RPA1: variants seen among roughly 807,000 people sequenced by gnomAD.
RPA1 encodes the protein replication protein A 70 kDa DNA-binding subunit.
RPA1 carries 49 observed loss-of-function variants against 83.0 expected under a neutral mutation model. The observed-to-expected ratio is 0.59, with a 90% confidence interval of 0.47 to 0.75. The LOEUF is 0.75. Among genes scored for constraint, RPA1 ranks in the 30% least tolerant of loss-of-function variants. RPA1 has a pLI of 0.00. For synonymous variants in RPA1, 279 were observed against 281.8 expected (o/e 0.99, Z 0.10); for missense variants, 693 against 776.1 (o/e 0.89, Z 1.27).
At chr17:1,856,579 G>A (rs556296543) in intron 5 of RPA1, among the ~76,000 whole-genome samples, 54 of 152,154 alleles carry the variant, frequency 3.5e-4, no homozygotes, top group South Asian at 8.3e-4. Flanking sequence ...CAGCTGGGCC[G>A]ACAGAATGAG....
intron 5 of RPA1, among the ~76,000 whole-genome samples, chr17:1,870,841 G>C (rs755591133): frequency 6.6e-6 from 1 of 152,238 alleles, no homozygotes; most frequent in Non-Finnish European, 1.5e-5. Flanking sequence ...GATGATAGAA[G>C]AGAGGGAGGA....
At chr17:1,864,431 A>C (rs951978432) in intron 5 of RPA1, among the ~76,000 whole-genome samples, 5 of 151,888 alleles carry the variant, frequency 3.3e-5, no homozygotes, top group Admixed American at 2.0e-4. Context: ...CCCAGCTACT[A>C]GGGAGGCTGA....
intron 14 of RPA1, among the ~76,000 whole-genome samples, chr17:1,891,420 C>T (rs1226454739): frequency 2.6e-5 from 4 of 151,822 alleles, no homozygotes; most frequent in African/African-American, 7.2e-5. Flanking sequence ...AAGCCAGCTG[C>T]ACCTCGACAG....
intron 15 of RPA1, among the ~76,000 whole-genome samples, chr17:1,892,307 A>G (rs941854916): frequency 7.9e-5 from 12 of 152,242 alleles, no homozygotes; most frequent in African/African-American, 2.9e-4. Context: ...ACCTTGCCCA[A>G]CACTGGCCCT....
Position 1,897,411 on chromosome 17 carries a change from A to G in RPA1, c.*236A>G. On this transcript the variant is annotated 3_prime_UTR_variant, in exon 17 of 17. Transcript: ENST00000254719. ...TACGGAGTCAGCCAGTGGCTAGCGC[A>G]AGACCAGTCACTCCCTCTGCCTTCA... 1 of 443,176 alleles carries G rather than the reference A, an allele frequency of 2.3e-6. No homozygotes were observed. The highest frequency in any genetic ancestry group is 4.0e-6 in the Non-Finnish European group (1 of 249,760). The allele number at this position is 443,176 out of a possible 1,614,324, so 27.5% of individuals were successfully genotyped here. A position where few individuals can be genotyped will look rare whatever the true frequency, so the allele number is the denominator to read the frequency against.
chr17:1,839,028 T>C (rs1295335642), intron 1 of RPA1, among the ~76,000 whole-genome samples: 1 of 151,960 alleles, frequency 6.6e-6, no homozygotes. Context: ...TTTTTTTTTG[T>C]ATTTTTAGTA....
intron 5 of RPA1, among the ~76,000 whole-genome samples, chr17:1,870,900 T>C (rs1029502870): frequency 1.3e-5 from 2 of 152,216 alleles, no homozygotes; most frequent in East Asian, 3.8e-4. Context: ...GGTACTCTTC[T>C]GTTTTTGAAT....
chr17:1,895,063 T>C lies in RPA1; in HGVS notation c.1714T>C (p.Phe572Leu). ...GAATGCCAACTTCCGATCTTTCATA[T>C]TCAGAGTCAGGGTCAAAGTGGAGAC... ...FQNANFRSFIFRVRVKVETYN... is the reference protein window; with the variant it reads ...FQNANFRSFILRVRVKVETYN... Residue 572 changes from phenylalanine to leucine, a missense_variant, in exon 16 of 17, where the codon TTC becomes CTC. Phe to Leu is a conservative substitution (Grantham distance 22). Transcript: ENST00000254719. 6.2e-7 allele frequency: 1 copy of C among 1,613,712 alleles called. No individual in the cohort carries two copies. The highest frequency in any genetic ancestry group is 1.3e-5 in the African/African-American group (1 of 75,036).
intron 10 of RPA1, 64 bp from the exon 11 acceptor site, chr17:1,879,496 A>G: frequency 2.5e-6 from 4 of 1,612,676 alleles, no homozygotes; most frequent in South Asian, 2.2e-5. Context: ...CTTGCCGTTC[A>G]TCATTTGCTG....
In RPA1 at chr17:1,884,958, G is replaced by A. The variant is rs1465042904; in HGVS notation, c.1374+1014G>A. Among the ~76,000 whole-genome samples, 3 of 152,178 alleles carry A rather than the reference G, an allele frequency of 2.0e-5. No homozygotes were observed. Among genetic ancestry groups the A allele is most frequent in the Non-Finnish European group, 2.9e-5 (2 of 68,034 alleles). ...GTCACGGCGATGGTTGCTGAACATC[G>A]GCGTGTCTTTGGCAGTTTCTTAAAA... is the stretch of plus-strand genomic sequence containing the variant. On this transcript the variant is annotated intron_variant, in intron 13 of 16. Transcript: ENST00000254719. The surrounding 1 kb of genome is among the most constrained non-coding windows in gnomAD (Gnocchi z 4.1).
chr17:1,872,787 G>A (rs924950120), intron 6 of RPA1, among the ~76,000 whole-genome samples: 2 of 139,206 alleles, frequency 1.4e-5, no homozygotes, highest in African/African-American at 5.4e-5. Context: ...ATCACAGCTC[G>A]TTGCAGCCTT....
chr17:1,887,481 C>G lies in RPA1; in HGVS notation c.1375-1194C>G, dbSNP rs547837776. Among the ~76,000 whole-genome samples the G allele has an allele frequency of 4.0e-5, 6 of 151,614 alleles. No individual in the cohort carries two copies. The South Asian group carries it at 1.3e-3, about 32-fold the overall frequency. ...GGCTGAGGCAGGAGAATCGTTTGAC[C>G]CTGGGAGGCGGAGATTTCAGTGAGC... On this transcript the variant is annotated intron_variant, in intron 13 of 16. Transcript: ENST00000254719.
chr17:1,848,937 T>G (rs1193921676), intron 4 of RPA1, among the ~76,000 whole-genome samples: 1 of 152,206 alleles, frequency 6.6e-6, no homozygotes, highest in African/African-American at 2.4e-5. Flanking sequence ...CGTTAGTTGA[T>G]GGGCATTCGG....
chr17:1,880,158 T>C (rs1913733661), intron 11 of RPA1, among the ~76,000 whole-genome samples: 1 of 152,086 alleles, frequency 6.6e-6, no homozygotes, highest in Non-Finnish European at 1.5e-5. Flanking sequence ...AGGGGGCGTC[T>C]TGTCCTATAG....
intron 5 of RPA1, among the ~76,000 whole-genome samples, chr17:1,870,413 G>T (rs1913334231): frequency 6.6e-6 from 1 of 152,144 alleles, no homozygotes; most frequent in Admixed American, 6.5e-5. Flanking sequence ...AAAAAAATGT[G>T]GATCTTAGAA....
chr17:1,843,635 A>ATTATTATTT (rs1912143990), intron 2 of RPA1, among the ~76,000 whole-genome samples: 1 of 148,340 alleles, frequency 6.7e-6, no homozygotes, highest in Admixed American at 6.7e-5. Flanking sequence ...TATTATTATT[A>ATTATTATTT]TTTTGGTAAT....
intron 11 of RPA1, 28 bp downstream of exon 11, chr17:1,879,727 C>A: frequency 1.2e-6 from 2 of 1,613,622 alleles, no homozygotes; most frequent in Non-Finnish European, 1.7e-6. Context: ...GTCTTCAACA[C>A]GCACAGGACC....
rs1316568369 is a variant in RPA1, at chr17:1,838,906, A to G, written c.34-3897A>G. Among the ~76,000 whole-genome samples, 4 of 152,090 alleles carry G rather than the reference A, an allele frequency of 2.6e-5. No individual in the cohort carries two copies. The East Asian group carries it at 7.7e-4, about 29-fold the overall frequency. On this transcript the variant is annotated intron_variant, in intron 1 of 16. Transcript: ENST00000254719. Reference sequence around the variant, plus strand: ...CGCTCTGTCACCCAGGCTGGAGTGCAGTGGCACGATCTCGGCTCACTGCAA... The same window carrying G: ...CGCTCTGTCACCCAGGCTGGAGTGCGGTGGCACGATCTCGGCTCACTGCAA...
In RPA1 at chr17:1,897,367, G is replaced by T. The variant is rs1429087010; in HGVS notation, c.*192G>T. Reference sequence around the variant, plus strand: ...AGGAAAATACGCTCAGGTGGTTGTGGTGTAGACTGTGTCAGGCCTACGGAG... The same window carrying T: ...AGGAAAATACGCTCAGGTGGTTGTGTTGTAGACTGTGTCAGGCCTACGGAG... On this transcript the variant is annotated 3_prime_UTR_variant, in exon 17 of 17. Coordinates refer to ENST00000254719, the MANE Select transcript of RPA1 (RefSeq NM_002945.5). 5 of 553,226 alleles carry T rather than the reference G, an allele frequency of 9.0e-6. No homozygotes were observed. In the East Asian group the frequency reaches 1.6e-4, roughly 17 times the overall value. 34.3% of individuals were successfully genotyped at this position (553,226 alleles called of 1,614,324 possible). A position where few individuals can be genotyped will look rare whatever the true frequency, so the allele number is the denominator to read the frequency against.
Sources: gnomAD v4.1 joint callset for allele counts (sites outside exome capture counted in the v4.1 genomes callset) on GRCh38, gnomAD v4.1.1 for gene constraint, Gnocchi (gnomAD v3.1) non-coding constraint, MANE v1.5 for transcripts, NCBI Gene and HGNC (gene_info 2026-07-23, HGNC 2026-07-21) for gene names.